OXR1: variants seen among roughly 807,000 people sequenced by gnomAD.
OXR1 encodes oxidation resistance 1.
Under a neutral mutation model 104.6 loss-of-function variants are expected in OXR1, and 41 were observed. That is an observed-to-expected ratio of 0.39 (90% CI 0.31 to 0.51). The LOEUF (loss-of-function observed/expected upper bound fraction) is 0.51. Among genes scored for constraint, OXR1 ranks in the 20% least tolerant of loss-of-function variants. The pLI is 0.77. For synonymous variants in OXR1, 348 were observed against 348.4 expected (o/e 1.00, Z 0.01); for missense variants, 955 against 1,031.9 (o/e 0.93, Z 1.02).
intron 2 of OXR1, among the ~76,000 whole-genome samples, chr8:106,362,833 A>G (rs999741482): frequency 3.9e-5 from 6 of 152,342 alleles, no homozygotes; most frequent in African/African-American, 1.4e-4. Context: ...TGGTCAGCAT[A>G]TGTACAGTAA....
At chr8:106,672,004 T>TAATAAA (rs1563689430) in intron 3 of OXR1, among the ~76,000 whole-genome samples, 1 of 141,050 alleles carries the variant, frequency 7.1e-6, no homozygotes, top group African/African-American at 2.6e-5. Context: ...ATAATAATAA[T>TAATAAA]AAAAGGCTGT....
At chr8:106,301,958 C>T (rs969793509) in intron 1 of OXR1, among the ~76,000 whole-genome samples, 1 of 151,930 alleles carries the variant, frequency 6.6e-6, no homozygotes, top group Middle Eastern at 3.2e-3. Context: ...AAAAGTATCA[C>T]GAGTGAGAAT....
intron 2 of OXR1, among the ~76,000 whole-genome samples, chr8:106,424,449 A>G (rs1313449665): frequency 1.6e-4 from 25 of 152,142 alleles, no homozygotes; most frequent in Admixed American, 1.6e-3. Flanking sequence ...ATATTCTTCA[A>G]TAATATTATT....
intron 3 of OXR1, among the ~76,000 whole-genome samples, chr8:106,613,505 T>C (rs1409397794): frequency 6.6e-6 from 1 of 152,146 alleles, no homozygotes; most frequent in Admixed American, 6.5e-5. Flanking sequence ...CTCAAGCAAG[T>C]CTCCTACCTC....
At position 106,453,866 on chromosome 8, in the gene OXR1, A is replaced by T. The variant is rs74812374; in HGVS notation, c.24-65077A>T. Among the ~76,000 whole-genome samples the T allele has an allele frequency of 3.7e-3, 415 of 112,184 alleles. 2 individuals are homozygous for T. The highest frequency in any genetic ancestry group is 0.021 in the African/African-American group (391 of 18,818). 73.6% of individuals were successfully genotyped at this position (112,184 alleles called of 152,430 possible). A position where few individuals can be genotyped will look rare whatever the true frequency, so the allele number is the denominator to read the frequency against. On this transcript the variant is annotated intron_variant, in intron 2 of 16. Transcript: ENST00000517566. The stretch of plus-strand genomic sequence containing the variant: ...ATGGGCTGAGTAGCCCATTTCATCA[A>T]ATCTAAGATGGTGTGATCAGAAAAC...
chr8:106,723,021 A>G (rs969902337), intron 11 of OXR1, among the ~76,000 whole-genome samples: 1 of 152,130 alleles, frequency 6.6e-6, no homozygotes, highest in Admixed American at 6.5e-5. Flanking sequence ...ATATTCTTCA[A>G]TTGCTAGCCC....
At chr8:106,750,364 C>T (rs1835790018) in intron 16 of OXR1, among the ~76,000 whole-genome samples, 2 of 125,420 alleles carry the variant, frequency 1.6e-5, no homozygotes, top group Admixed American at 1.0e-4. Context: ...TCACTCTTGT[C>T]GCGCAGGCTG....
At chr8:106,697,676 T>A in intron 7 of OXR1, 3 of 1,613,984 alleles carry the variant, frequency 1.9e-6, no homozygotes, top group Non-Finnish European at 2.5e-6. Context: ...AGGTCCACAG[T>A]TTGGAAGATG....
At chr8:106,640,819 A>G (rs1823567034) in intron 3 of OXR1, among the ~76,000 whole-genome samples, 1 of 152,200 alleles carries the variant, frequency 6.6e-6, no homozygotes, top group Admixed American at 6.5e-5. Flanking sequence ...CTTTGTTTTT[A>G]ACAAATACAC....
intron 2 of OXR1, among the ~76,000 whole-genome samples, chr8:106,493,906 A>G (rs951743029): frequency 1.1e-4 from 17 of 152,184 alleles, no homozygotes; most frequent in African/African-American, 4.1e-4. Flanking sequence ...TGAACTGGGT[A>G]TCAAAGTAGC....
intron 2 of OXR1, among the ~76,000 whole-genome samples, chr8:106,442,563 G>GAAGTAATACTACTTCA (rs1819832938): frequency 6.6e-6 from 1 of 151,940 alleles, no homozygotes; most frequent in Non-Finnish European, 1.5e-5. Flanking sequence ...TTTTTCGTTG[G>GAAGTAATACTACTTCA]TAGGCTATTA....
intron 2 of OXR1, among the ~76,000 whole-genome samples, chr8:106,394,845 T>A (rs1424234197): frequency 6.6e-6 from 1 of 152,116 alleles, no homozygotes; most frequent in East Asian, 1.9e-4. Context: ...TATGACTCTA[T>A]ACATTTCTCG....
intron 11 of OXR1, among the ~76,000 whole-genome samples, chr8:106,721,526 C>T (rs1832820593): frequency 6.6e-6 from 1 of 151,972 alleles, no homozygotes; most frequent in South Asian, 2.1e-4. Flanking sequence ...CTCTGGCTTC[C>T]CTCTTGCTTC....
At chr8:106,592,011 A>ATT (rs1334051292) in intron 3 of OXR1, among the ~76,000 whole-genome samples, 2 of 152,202 alleles carry the variant, frequency 1.3e-5, no homozygotes, top group African/African-American at 4.8e-5. Flanking sequence ...TGTACTCAAA[A>ATT]TTAACACTGT....
chr8:106,599,709 C>A (rs568591125), intron 3 of OXR1, among the ~76,000 whole-genome samples: 82 of 152,270 alleles, frequency 5.4e-4, no homozygotes, highest in African/African-American at 1.9e-3. Flanking sequence ...TTCCTCCATG[C>A]CAACAACTCT....
chr8:106,676,328 G>A (rs1053418682), intron 3 of OXR1, among the ~76,000 whole-genome samples: 9 of 152,034 alleles, frequency 5.9e-5, no homozygotes, highest in Non-Finnish European at 1.0e-4. Context: ...GTATTGTTAT[G>A]TGTGGATTTT....
intron 3 of OXR1, among the ~76,000 whole-genome samples, chr8:106,551,866 G>GTACATATA (rs1815860132): frequency 9.7e-6 from 1 of 103,520 alleles, no homozygotes. Flanking sequence ...ATATATGTGT[G>GTACATATA]TGTGTGTGTG....
intron 15 of OXR1, among the ~76,000 whole-genome samples, chr8:106,743,811 G>A (rs762814937): frequency 4.6e-5 from 7 of 152,202 alleles, no homozygotes; most frequent in Non-Finnish European, 8.8e-5. Context: ...AATGTTCATT[G>A]TAGCACTATT....
intron 16 of OXR1, among the ~76,000 whole-genome samples, chr8:106,749,491 T>A (rs1451988581): frequency 1.3e-5 from 2 of 152,164 alleles, no homozygotes; most frequent in Non-Finnish European, 2.9e-5. Context: ...TTACCTAATA[T>A]GCTTTTCTTT....
Sources: gnomAD v4.1 joint callset for allele counts (sites outside exome capture counted in the v4.1 genomes callset) on GRCh38, gnomAD v4.1.1 for gene constraint, MANE v1.5 for transcripts, NCBI Gene and HGNC (gene_info 2026-07-23, HGNC 2026-07-21) for gene names.